Variants in TRIM2 observed in about 807,000 individuals in gnomAD.
TRIM2 encodes tripartite motif containing 2, also known as tripartite motif-containing protein 2.
In TRIM2, 20 loss-of-function variants were observed where a neutral mutation model predicts 75.2. The observed-to-expected ratio is 0.27, with a 90% confidence interval of 0.19 to 0.39. TRIM2 has a LOEUF of 0.39. TRIM2 is among the 10% of genes least tolerant of loss of function. The probability of loss-of-function intolerance (pLI) is 1.00; values close to 1 mark genes in which losing one functional copy is unlikely to be tolerated. For synonymous variants in TRIM2, 373 were observed against 388.3 expected, an observed-to-expected ratio of 0.96 and a Z score of 0.46; for missense variants, 660 against 990.8, an observed-to-expected ratio of 0.67 and a Z score of 4.48.
At chr4:153,286,562 G>A (rs1760664274) in intron 3 of TRIM2, among the ~76,000 whole-genome samples, 1 of 151,954 alleles carries the variant, frequency 6.6e-6, no homozygotes, top group South Asian at 2.1e-4. Context: ...TAGTTTGTGT[G>A]TTTTTAGGAA....
intron 1 of TRIM2, among the ~76,000 whole-genome samples, chr4:153,237,203 A>G (rs766962474): frequency 1.3e-5 from 2 of 152,178 alleles, no homozygotes; most frequent in African/African-American, 2.4e-5. Context: ...TATTTCTTCT[A>G]CATGCAATTG....
chr4:153,261,840 G>T (rs1214906873), intron 1 of TRIM2, among the ~76,000 whole-genome samples: 1 of 152,178 alleles, frequency 6.6e-6, no homozygotes, highest in Non-Finnish European at 1.5e-5. Context: ...GTGGACATAG[G>T]CATTTTTCTC....
At chr4:153,322,837 T>C (rs1359265723) in intron 9 of TRIM2, 21 bp downstream of exon 9, 1 of 1,613,426 alleles carries the variant, frequency 6.2e-7, no homozygotes, top group African/African-American at 1.3e-5. Flanking sequence ...TGGTAATATG[T>C]AAACCCCCTT....
intron 1 of TRIM2, among the ~76,000 whole-genome samples, chr4:153,236,130 G>C (rs1744969476): frequency 6.6e-6 from 1 of 152,002 alleles, no homozygotes; most frequent in Non-Finnish European, 1.5e-5. Context: ...CTGTGAAGAG[G>C]TGCCTTCTGC....
chr4:153,165,755 G>T (rs58231993), intron 1 of TRIM2, among the ~76,000 whole-genome samples: 48,134 of 151,926 alleles, frequency 0.32, 7,836 homozygotes, highest in South Asian at 0.43. Context: ...TACCATTGCT[G>T]CTGGGTCCTC....
intron 6 of TRIM2, among the ~76,000 whole-genome samples, chr4:153,303,300 C>T (rs1489566547): frequency 1.5e-5 from 2 of 131,766 alleles, no homozygotes; most frequent in South Asian, 5.6e-4. Flanking sequence ...CCCATCTCTA[C>T]TAAAAAAAAA....
At chr4:153,236,747 A>C (rs936456789) in intron 1 of TRIM2, among the ~76,000 whole-genome samples, 1 of 150,522 alleles carries the variant, frequency 6.6e-6, no homozygotes, top group Admixed American at 6.6e-5. Flanking sequence ...GCTGGAGTGC[A>C]GTGGTACAAT....
At chr4:153,210,363 G>C (rs10023973) in intron 1 of TRIM2, among the ~76,000 whole-genome samples, 112,134 of 152,062 alleles carry the variant, frequency 0.74, 42,485 homozygotes, top group African/African-American at 0.89. Flanking sequence ...CCGTGCCTGG[G>C]CTGGGTGACT....
intron 1 of TRIM2, among the ~76,000 whole-genome samples, chr4:153,265,488 C>T (rs1007416372): frequency 7.2e-5 from 11 of 152,040 alleles, no homozygotes; most frequent in Non-Finnish European, 1.2e-4. Context: ...GGGCTACAGG[C>T]GCCTGCCGCC....
At chr4:153,222,034 G>A (rs928560951) in intron 1 of TRIM2, among the ~76,000 whole-genome samples, 1 of 28,700 alleles carries the variant, frequency 3.5e-5, no homozygotes, top group South Asian at 2.9e-3. Context: ...AGGAAGGAAG[G>A]AAAGAGCGAG....
chr4:153,172,431 C>A (rs1339011223), intron 1 of TRIM2, among the ~76,000 whole-genome samples: 4 of 152,324 alleles, frequency 2.6e-5, no homozygotes, highest in African/African-American at 7.2e-5. Flanking sequence ...CCATGATCCG[C>A]CCGCCTTGGC....
intron 1 of TRIM2, among the ~76,000 whole-genome samples, chr4:153,167,153 GGTGAATACCACAGT>G (rs1415741200): frequency 6.6e-6 from 1 of 152,204 alleles, no homozygotes. Flanking sequence ...CCACACTAAA[GGTGAATACCACAGT>G]GTCCAGGGAG....
chr4:153,227,952 A>G (rs1166278538), intron 1 of TRIM2, among the ~76,000 whole-genome samples: 1 of 152,238 alleles, frequency 6.6e-6, no homozygotes. Context: ...GCATATGTCC[A>G]GGGTTCCCTC....
At chr4:153,296,068 A>G in intron 6 of TRIM2, 32 bp downstream of exon 6, 4 of 1,511,826 alleles carry the variant, frequency 2.6e-6, no homozygotes, top group Non-Finnish European at 3.5e-6. Flanking sequence ...CCGACGCCTG[A>G]GCTGGCACTG....
intron 1 of TRIM2, among the ~76,000 whole-genome samples, chr4:153,227,461 T>A (rs951301425): frequency 6.6e-6 from 1 of 152,204 alleles, no homozygotes; most frequent in Non-Finnish European, 1.5e-5. Context: ...CCTCTCAGAC[T>A]ACACAAAGAC....
At chr4:153,178,919 G>T (rs1237421716) in intron 1 of TRIM2, among the ~76,000 whole-genome samples, 3 of 152,198 alleles carry the variant, frequency 2.0e-5, no homozygotes, top group African/African-American at 7.2e-5. Flanking sequence ...TCTGAAAGTT[G>T]TCAGGTCTCA....
At chr4:153,271,577 G>C (rs1756673904) in intron 2 of TRIM2, among the ~76,000 whole-genome samples, 1 of 152,118 alleles carries the variant, frequency 6.6e-6, no homozygotes, top group South Asian at 2.1e-4. Flanking sequence ...GTGGGGTTTT[G>C]TGTGTGTGCG....
chr4:153,152,266 A>T (rs1359594817), upstream of TRIM2: 1 of 151,460 alleles, frequency 6.6e-6, no homozygotes, highest in Non-Finnish European at 1.5e-5. Flanking sequence ...CCGGGAAACC[A>T]CCCCCCGCAG....
chr4:153,333,202 G>A (rs1424790139), intron 11 of TRIM2, among the ~76,000 whole-genome samples: 5 of 152,012 alleles, frequency 3.3e-5, no homozygotes, highest in East Asian at 1.9e-4. Flanking sequence ...GATGCTGAGT[G>A]AAAAAAAGCC....
Sources: gnomAD v4.1 joint callset for allele counts (sites outside exome capture counted in the v4.1 genomes callset) on GRCh38, gnomAD v4.1.1 for gene constraint, MANE v1.5 for transcripts, NCBI Gene and HGNC (gene_info 2026-07-23, HGNC 2026-07-21) for gene names.